Variants in MXI1 observed in about 807,000 individuals in gnomAD.
The protein encoded by MXI1 is max-interacting protein 1.
MXI1 carries 18 observed loss-of-function variants against 36.9 expected under a neutral mutation model. The ratio of observed to expected loss-of-function variants is 0.49; its 90% CI spans 0.34 to 0.72. The LOEUF is 0.72. Among genes scored for constraint, MXI1 ranks in the 30% least tolerant of loss-of-function variants. The pLI is 0.01. For synonymous variants in MXI1, 160 were observed against 146.7 expected (o/e 1.09, Z -0.65); for missense variants, 304 against 379.1 (o/e 0.80, Z 1.64).
intron 5 of MXI1, among the ~76,000 whole-genome samples, chr10:110,284,043 T>G (rs904000086): frequency 1.3e-5 from 2 of 152,048 alleles, no homozygotes; most frequent in African/African-American, 4.8e-5. Flanking sequence ...TCTTCCTGCC[T>G]TAGCCTCCCA....
rs1397743675 is a variant in MXI1, at chr10:110,258,466, T to C, written c.437+13609T>C. 1.3e-5 allele frequency among the ~76,000 whole-genome samples: 2 copies of C among 152,158 alleles called. 1 individual carries two copies. Among genetic ancestry groups the C allele is most frequent in the Non-Finnish European group, 2.9e-5 (2 of 68,026 alleles). ...TGACACTCATTTACTTGAATTTTCT[T>C]AGGAACCGGATAAATATGTAAATTA... On this transcript the variant is annotated intron_variant, in intron 3 of 5. Transcript: ENST00000332674.
intron 1 of MXI1, among the ~76,000 whole-genome samples, chr10:110,221,120 T>C (rs1393212611): frequency 6.6e-6 from 1 of 152,208 alleles, no homozygotes; most frequent in Non-Finnish European, 1.5e-5. Context: ...CAACCTTTCC[T>C]TGGGGAAGAA....
chr10:110,213,255 C>T (rs983162721), intron 1 of MXI1, among the ~76,000 whole-genome samples: 3 of 152,194 alleles, frequency 2.0e-5, no homozygotes, highest in Admixed American at 6.5e-5. Flanking sequence ...CTGCTGAAAT[C>T]GAGGGCTTTG....
intron 5 of MXI1, among the ~76,000 whole-genome samples, chr10:110,281,866 A>G (rs371689662): frequency 2.0e-5 from 3 of 152,164 alleles, no homozygotes; most frequent in African/African-American, 2.4e-5. Context: ...ATATTAATCA[A>G]TAGGTTCAGG....
intron 1 of MXI1, among the ~76,000 whole-genome samples, chr10:110,209,347 GAGAA>G (rs551486420): frequency 1.4e-3 from 217 of 151,890 alleles, no homozygotes; most frequent in African/African-American, 5.0e-3. Flanking sequence ...GTGAGAGAGA[GAGAA>G]AGAAAGAAGA....
At chr10:110,237,217 G>A (rs1014684208) in intron 2 of MXI1, among the ~76,000 whole-genome samples, 2 of 151,954 alleles carry the variant, frequency 1.3e-5, no homozygotes, top group Non-Finnish European at 1.5e-5. Flanking sequence ...TATTTCACTG[G>A]CTAGAACCTC....
chr10:110,279,840 C>G, intron 4 of MXI1, 74 bp from the exon 5 acceptor site: 1 of 1,152,572 alleles, frequency 8.7e-7, no homozygotes, highest in South Asian at 2.1e-5. Context: ...CATGTTTTCT[C>G]TGCTAAAGGA....
At chr10:110,262,303 G>A (rs888867508) in intron 3 of MXI1, among the ~76,000 whole-genome samples, 2 of 152,070 alleles carry the variant, frequency 1.3e-5, no homozygotes, top group African/African-American at 4.8e-5. Context: ...ATGATTTAAG[G>A]TATAGAGGAG....
intron 3 of MXI1, among the ~76,000 whole-genome samples, chr10:110,260,498 C>T (rs1856474380): frequency 6.7e-6 from 1 of 150,196 alleles, no homozygotes; most frequent in Admixed American, 6.7e-5. Context: ...ACACTTGAGA[C>T]ACACACACAC....
Position 110,271,265 on chromosome 10 carries a change from A to G in MXI1, c.438-7915A>G, listed in dbSNP as rs11195061. Among the ~76,000 whole-genome samples the G allele has an allele frequency of 5.2e-3, 787 of 152,266 alleles. 6 individuals carry two copies. The highest frequency in any genetic ancestry group is 0.018 in the African/African-American group (741 of 41,560). ...GCATTCATAAATAGATCTCTCACAA[A>G]TGCTGGCCTGGCATCTGATTATACT... is the stretch of plus-strand genomic sequence containing the variant. On this transcript the variant is annotated intron_variant, in intron 3 of 5. Transcript: ENST00000332674.
chr10:110,280,659 A>G (rs868321119), intron 5 of MXI1, among the ~76,000 whole-genome samples: 22 of 151,784 alleles, frequency 1.4e-4, no homozygotes, highest in East Asian at 3.9e-4. Context: ...CAGCCTGGGC[A>G]ACAGAGTGAG....
chr10:110,274,449 C>T (rs1440631167), intron 3 of MXI1, among the ~76,000 whole-genome samples: 1 of 152,058 alleles, frequency 6.6e-6, no homozygotes, highest in Non-Finnish European at 1.5e-5. Context: ...AGTTTTCTCA[C>T]AGGGCACTTC....
intron 2 of MXI1, 63 bp from the exon 3 acceptor site, chr10:110,244,765 C>G: frequency 7.1e-7 from 1 of 1,417,460 alleles, no homozygotes; most frequent in Non-Finnish European, 9.7e-7. Context: ...AGTAACTAAT[C>G]TGTCTTTCTA....
chr10:110,213,179 G>C (rs568012047), intron 1 of MXI1, among the ~76,000 whole-genome samples: 1 of 152,174 alleles, frequency 6.6e-6, no homozygotes, highest in African/African-American at 2.4e-5. Flanking sequence ...GAAGAGCTGA[G>C]ACTGCATCCT....
chr10:110,211,883 T>C lies in MXI1; in HGVS notation c.274+3801T>C, dbSNP rs540708041. ...AGGCTGTGATCCTATTACCACAAAT[T>C]CAGAAATTATATGTAAATAATCTCT... On this transcript the variant is annotated intron_variant, in intron 1 of 5. Transcript: ENST00000332674. Among the ~76,000 whole-genome samples the C allele has an allele frequency of 5.3e-5, 8 of 152,346 alleles. No homozygotes were observed. In the East Asian group the frequency reaches 1.3e-3, roughly 26 times the overall value.
intron 1 of MXI1, chr10:110,227,578 C>CG (rs1855099455): frequency 2.1e-5 from 18 of 848,096 alleles, no homozygotes; most frequent in South Asian, 1.3e-4. Context: ...AACACGGATG[C>CG]TGGGGGGGGT....
chr10:110,239,838 G>T (rs1310799283), intron 2 of MXI1, among the ~76,000 whole-genome samples: 1 of 152,008 alleles, frequency 6.6e-6, no homozygotes, highest in Non-Finnish European at 1.5e-5. Context: ...ACAGCTCAAT[G>T]AATTTTTACA....
chr10:110,253,583 C>G (rs61882786), intron 3 of MXI1, among the ~76,000 whole-genome samples: 2 of 152,062 alleles, frequency 1.3e-5, no homozygotes, highest in African/African-American at 4.8e-5. Context: ...TTTGACAGAA[C>G]TTTCTTTAAA....
intron 3 of MXI1, chr10:110,260,996 C>T: frequency 1.0e-6 from 1 of 984,924 alleles, no homozygotes; most frequent in Non-Finnish European, 1.2e-6. Flanking sequence ...TGTATCTCAT[C>T]AGTCACTTTA....
Sources: gnomAD v4.1 joint callset for allele counts (sites outside exome capture counted in the v4.1 genomes callset) on GRCh38, gnomAD v4.1.1 for gene constraint, MANE v1.5 for transcripts, NCBI Gene and HGNC (gene_info 2026-07-23, HGNC 2026-07-21) for gene names.